FAM120C: variants seen among roughly 807,000 people sequenced by gnomAD.
The protein encoded by FAM120C is constitutive coactivator of PPAR-gamma-like protein 2.
Under a neutral mutation model 71.2 loss-of-function variants are expected in FAM120C, and 14 were observed. The ratio of observed to expected loss-of-function variants is 0.20; its 90% confidence interval spans 0.13 to 0.31. FAM120C has a LOEUF of 0.31. Among genes scored for constraint, FAM120C ranks in the 10% least tolerant of loss-of-function variants. The pLI is 1.00. For missense variants in FAM120C, 500 were observed against 879.0 expected (o/e 0.57, Z 5.45); for synonymous variants, 354 against 353.2 (o/e 1.00, Z -0.03).
rs1438134456 is a variant in FAM120C at position 54,174,073 on chromosome X, T to C, written c.699+8427A>G. The stretch of plus-strand genomic sequence containing the variant: ...CTGAGGGCCTCAGTTCCTCACTGAG[T>C]GTTGGTTGGAGGCTTCCCTCAGTTT... On this transcript the variant is annotated intron_variant, in intron 1 of 15. Transcript: ENST00000375180. The C allele has an allele frequency of 9.8e-6, 5 of 510,664 alleles. No homozygotes were observed. In the African/African-American group the frequency reaches 1.2e-4, roughly 12 times the overall value. The allele number at this position is 510,664 out of a possible 1,213,427, so 42.1% of individuals were successfully genotyped here. A position where few individuals can be genotyped will look rare whatever the true frequency, so the allele number is the denominator to read the frequency against.
chrX:54,145,978 T>TA (rs1408697995), intron 4 of FAM120C, among the ~76,000 whole-genome samples: 8 of 111,763 alleles, frequency 7.2e-5, no homozygotes, highest in African/African-American at 1.9e-4. Flanking sequence ...TATGCAGCCA[T>TA]AAAAAAGGAT....
At chrX:54,087,988 T>C in intron 11 of FAM120C, 24 bp from the exon 12 acceptor site, 1 of 1,132,533 alleles carries the variant, frequency 8.8e-7, no homozygotes, top group Non-Finnish European at 1.2e-6. Flanking sequence ...AGATGAAATA[T>C]TACTATTAAG....
chrX:54,155,726 G>A (rs1259744402), intron 3 of FAM120C, among the ~76,000 whole-genome samples: 1 of 111,139 alleles, frequency 9.0e-6, no homozygotes, highest in African/African-American at 3.3e-5. Flanking sequence ...TCTGGAAAGA[G>A]CCAATGAAAA....
Position 54,182,959 on chromosome X carries a change from C to T in FAM120C, c.240G>A (p.Gly80=), listed in dbSNP as rs1349448739. Reference sequence around the variant, plus strand: ...GAGCGGGGTGATGGTGCCGAGTCGGCCCCGCGCCCCCGGAGTAGGCACCCA... The same window carrying T: ...GAGCGGGGTGATGGTGCCGAGTCGGTCCCGCGCCCCCGGAGTAGGCACCCA... ...AALGAYSGGA[G]PTRHHHPAHH... The change falls in exon 1 of 16, where the codon GGG becomes GGA. Residue 80 remains glycine (G), a synonymous_variant. Transcript: ENST00000375180. 3 of 1,158,908 alleles carry T rather than the reference C, an allele frequency of 2.6e-6. No individual in the cohort carries two copies. Among genetic ancestry groups the T allele is most frequent in the Non-Finnish European group, 2.3e-6 (2 of 870,955 alleles).
chrX:54,129,678 G>A (rs1418996107), intron 9 of FAM120C, among the ~76,000 whole-genome samples: 1 of 111,893 alleles, frequency 8.9e-6, no homozygotes, highest in African/African-American at 3.3e-5. Flanking sequence ...CGGCTGGGAG[G>A]TGGAGGTTGT....
At chrX:54,144,476 A>G (rs1439889427) in intron 4 of FAM120C, among the ~76,000 whole-genome samples, 3 of 112,409 alleles carry the variant, frequency 2.7e-5, no homozygotes, top group Non-Finnish European at 3.8e-5. Flanking sequence ...GTCTCAGGAT[A>G]CAAAATCAAT....
Position 54,182,909 on chromosome X carries a change from G to C in FAM120C, c.290C>G (p.Ala97Gly). 1.7e-6 allele frequency: 2 copies of C among 1,154,569 alleles called. No homozygotes were observed. The highest frequency in any genetic ancestry group is 2.3e-6 in the Non-Finnish European group (2 of 868,572). Reference protein sequence around the residue: ...PAHHFHHHGQAQPGLHPPLPP... With the variant: ...PAHHFHHHGQGQPGLHPPLPP... ...CAGCGGAGGGTGCAGCCCGGGCTGC[G>C]CTTGGCCATGATGGTGGAAGTGGTG... The change falls in exon 1 of 16, where the codon GCG (alanine) becomes GGG (glycine). Residue 97 changes from alanine (A) to glycine (G), a missense_variant. Ala to Gly is a moderately conservative substitution (Grantham distance 60). Transcript: ENST00000375180.
intron 10 of FAM120C, among the ~76,000 whole-genome samples, chrX:54,101,581 G>A (rs782361778): frequency 8.9e-6 from 1 of 112,128 alleles, no homozygotes; most frequent in East Asian, 2.8e-4. Flanking sequence ...ACTGTAAACA[G>A]TTAGACATAA....
intron 3 of FAM120C, among the ~76,000 whole-genome samples, chrX:54,152,382 C>T (rs1376037206): frequency 4.5e-5 from 5 of 111,422 alleles, no homozygotes; most frequent in Non-Finnish European, 9.4e-5. Context: ...CTCAGCCTCC[C>T]GAGCAGCTGG....
At chrX:54,098,826 G>A (rs781988082) in intron 10 of FAM120C, among the ~76,000 whole-genome samples, 9 of 109,780 alleles carry the variant, frequency 8.2e-5, no homozygotes, top group Admixed American at 6.9e-4. Context: ...TCACCATGTT[G>A]GTCAGGCTGG....
chrX:54,133,665 T>C, intron 8 of FAM120C, 108 bp downstream of exon 8: 1 of 924,580 alleles, frequency 1.1e-6, no homozygotes, highest in Non-Finnish European at 1.5e-6. Flanking sequence ...GCCTTCTTTT[T>C]CTAACTTCAT....
intron 15 of FAM120C, among the ~76,000 whole-genome samples, chrX:54,078,756 T>G (rs2066749040): frequency 9.0e-6 from 1 of 110,859 alleles, no homozygotes; most frequent in South Asian, 3.8e-4. Context: ...TTGAGTCTAC[T>G]ACAATATTTT....
intron 4 of FAM120C, among the ~76,000 whole-genome samples, chrX:54,145,401 T>C (rs1448424749): frequency 3.6e-5 from 4 of 110,991 alleles, no homozygotes; most frequent in African/African-American, 1.3e-4. Context: ...GGGAGAAAAT[T>C]TTTACAATCT....
intron 9 of FAM120C, among the ~76,000 whole-genome samples, chrX:54,127,181 TTGGGG>T (rs1906520510): frequency 9.0e-6 from 1 of 111,116 alleles, no homozygotes; most frequent in Admixed American, 9.7e-5. Context: ...TACCATCACA[TTGGGG>T]GTTAGGATTT....
At chrX:54,139,295 TG>T (rs1157332807) in intron 4 of FAM120C, among the ~76,000 whole-genome samples, 2 of 110,212 alleles carry the variant, frequency 1.8e-5, no homozygotes, top group Non-Finnish European at 3.8e-5. Context: ...ACATGTATAA[TG>T]TTATCTCTCA....
At chrX:54,075,191 G>A (rs961763423) in intron 15 of FAM120C, among the ~76,000 whole-genome samples, 3 of 111,450 alleles carry the variant, frequency 2.7e-5, no homozygotes, top group Non-Finnish European at 5.6e-5. Flanking sequence ...CAAAAAGTAC[G>A]AAGACTTTAC....
intron 15 of FAM120C, among the ~76,000 whole-genome samples, chrX:54,075,797 C>CAA (rs34032200): frequency 6.7e-5 from 3 of 44,718 alleles, no homozygotes; most frequent in African/African-American, 1.7e-4. Flanking sequence ...GACTCTGTCT[C>CAA]AAAAAAAAAA....
At chrX:54,107,664 C>T (rs1275358194) in intron 10 of FAM120C, among the ~76,000 whole-genome samples, 3 of 103,605 alleles carry the variant, frequency 2.9e-5, no homozygotes, top group East Asian at 3.1e-4. Flanking sequence ...GGATTAGAGG[C>T]GTGTGCCACT....
intron 9 of FAM120C, among the ~76,000 whole-genome samples, chrX:54,118,699 C>CTTTTTTTTTTTTTT (rs1187381929): frequency 1.3e-4 from 4 of 31,730 alleles, no homozygotes; most frequent in Admixed American, 3.8e-4. Flanking sequence ...TTCTTTTTTT[C>CTTTTTTTTTTTTTT]TTTTTTTTTT....
Sources: allele counts gnomAD v4.1 joint callset (sites outside exome capture counted in the v4.1 genomes callset), GRCh38; gene constraint gnomAD v4.1.1; transcripts MANE v1.5; gene names NCBI Gene and HGNC (gene_info 2026-07-23, HGNC 2026-07-21).